UBA1: variants seen among roughly 807,000 people sequenced by gnomAD.
UBA1 encodes the protein ubiquitin-like modifier-activating enzyme 1.
Under a neutral mutation model 84.7 loss-of-function variants are expected in UBA1, and 4 were observed. That is an observed-to-expected ratio of 0.05 (90% CI 0.02 to 0.11). The LOEUF (loss-of-function observed/expected upper bound fraction) is 0.11, where lower values mean the gene tolerates loss of function less well. Ranked by LOEUF, UBA1 falls within the 10% of genes least tolerant of loss-of-function variation. The pLI is 1.00. For synonymous variants in UBA1, 364 were observed against 362.6 expected, an observed-to-expected ratio of 1.00 and a Z score of -0.04; for missense variants, 513 against 902.8, an observed-to-expected ratio of 0.57 and a Z score of 5.53.
chrX:47,207,038 G>C lies in UBA1; in HGVS notation c.1938+594G>C, dbSNP rs151309020. On this transcript the variant is annotated intron_variant, in intron 16 of 25. Transcript: ENST00000335972. ...CTCAAAATGTCTCCAGACATTGCCA[G>C]ATGTCCCCAGGGGTGCCACATCACT... Among the ~76,000 whole-genome samples the C allele has an allele frequency of 9.4e-3, 1,044 of 110,708 alleles. 13 individuals are homozygous for C. The highest frequency in any genetic ancestry group is 0.033 in the African/African-American group (1,001 of 30,395).
chrX:47,199,138 TG>T (rs1556786580), intron 3 of UBA1, 32 bp downstream of exon 3: 2 of 1,211,819 alleles, frequency 1.7e-6, no homozygotes, highest in Non-Finnish European at 2.2e-6. Flanking sequence ...CTGAGGGGTG[TG>T]GAATGGGACA....
chrX:47,202,948 C>T lies in UBA1; in HGVS notation c.1239C>T (p.Cys413=). ...GLAAQEVMKA[C]SGKFMPIMQW... ...CTCTCCCTTCCCCTCTCCAGGCCTGCTCCGGGAAGTTCATGCCCATCATGC... is the reference window on the plus strand; with the variant it reads ...CTCTCCCTTCCCCTCTCCAGGCCTGTTCCGGGAAGTTCATGCCCATCATGC... The change falls in exon 12 of 26, where the codon TGC becomes TGT. Residue 413 remains cysteine (C), a synonymous_variant. Transcript: ENST00000335972. 1 of 1,211,168 alleles carries T rather than the reference C, an allele frequency of 8.3e-7. No individual in the cohort carries two copies. The highest frequency in any genetic ancestry group is 1.1e-6 in the Non-Finnish European group (1 of 895,003).
chrX:47,201,346 A>G lies in UBA1; in HGVS notation c.658A>G (p.Met220Val), dbSNP rs1556787925. ...CAATGGGGAGCAGCCACTCAGTGCT[A>G]TGGTTTCTATGGTTACCAAGGTAAG... ...DSNGEQPLSAMVSMVTKDNPG... is the reference protein window; with the variant it reads ...DSNGEQPLSAVVSMVTKDNPG... The change falls in exon 7 of 26, where the codon ATG becomes GTG. Residue 220 changes from methionine to valine, a missense_variant. Around this residue, in one of 6 missense-constraint regions of UBA1, gnomAD observed 227 missense variants for 339.1 expected, o/e 0.67. Transcript: ENST00000335972. The G allele has an allele frequency of 2.5e-6, 3 of 1,209,456 alleles. No homozygotes were observed. The highest frequency in any genetic ancestry group is 2.2e-5 in the Admixed American group (1 of 45,832).
chrX:47,209,800 G>A, intron 17 of UBA1, 113 bp downstream of exon 17: 1 of 1,069,624 alleles, frequency 9.3e-7, no homozygotes, highest in Non-Finnish European at 1.3e-6. Context: ...ACATGAATGA[G>A]TGGCTGTTGG....
At chrX:47,213,248 G>A (rs1202079029) in intron 23 of UBA1, 67 bp downstream of exon 23, 22 of 1,067,814 alleles carry the variant, frequency 2.1e-5, no homozygotes, top group East Asian at 1.3e-4. Flanking sequence ...TCTGATTCAC[G>A]TCATACCCTG....
At chrX:47,207,570 G>T (rs1556791541) in intron 16 of UBA1, among the ~76,000 whole-genome samples, 1 of 111,496 alleles carries the variant, frequency 9.0e-6, no homozygotes, top group Non-Finnish European at 1.9e-5. Context: ...CCAAGAAACA[G>T]AACCTAGGGA....
intron 16 of UBA1, chrX:47,209,179 C>T: frequency 3.2e-6 from 1 of 313,506 alleles, no homozygotes; most frequent in Non-Finnish European, 5.6e-6. Flanking sequence ...TTTTTTGAGA[C>T]AGTCTTCCTC....
At chrX:47,201,079 C>T in intron 6 of UBA1, 79 bp downstream of exon 6, 5 of 947,061 alleles carry the variant, frequency 5.3e-6, no homozygotes, top group Non-Finnish European at 7.4e-6. Context: ...CTAGGCTCTC[C>T]CTGCCCTCAT....
intron 1 of UBA1, chrX:47,197,293 A>T: frequency 5.3e-6 from 4 of 754,357 alleles, no homozygotes; most frequent in Non-Finnish European, 4.7e-6. Flanking sequence ...TTCTTTTCCC[A>T]TTTGTGATTT....
intron 14 of UBA1, chrX:47,205,628 C>T (rs781805328): frequency 3.0e-4 from 110 of 362,730 alleles, no homozygotes; most frequent in Non-Finnish European, 4.5e-4. Context: ...TTTGTGGGGC[C>T]GAGGTCTTTG....
intron 10 of UBA1, 45 bp from the exon 11 acceptor site, chrX:47,202,593 A>G: frequency 4.1e-6 from 5 of 1,209,497 alleles, no homozygotes; most frequent in Non-Finnish European, 5.6e-6. Context: ...CCCTGCCCTC[A>G]CTGTGGCCTG....
chrX:47,197,842 T>C, intron 1 of UBA1: 1 of 560,127 alleles, frequency 1.8e-6, no homozygotes, highest in Non-Finnish European at 2.2e-6. Flanking sequence ...CCTGAGTGAA[T>C]TTTTTTCCAT....
At chrX:47,197,091 T>A (rs1228010912) in intron 1 of UBA1, 2 of 753,236 alleles carry the variant, frequency 2.7e-6, no homozygotes, top group African/African-American at 4.6e-5. Flanking sequence ...ACCAAGCCTC[T>A]TGCTACCCAG....
chrX:47,209,793 T>C lies in UBA1; in HGVS notation c.2003+106T>C, dbSNP rs1602652220. Reference sequence around the variant, plus strand: ...CTTGGCACCAGGCACACTTTTCACATGAATGAGTGGCTGTTGGGGCCTCAT... The same window carrying C: ...CTTGGCACCAGGCACACTTTTCACACGAATGAGTGGCTGTTGGGGCCTCAT... On this transcript the variant is annotated intron_variant, in intron 17 of 25. Transcript: ENST00000335972. 2.8e-6 allele frequency: 3 copies of C among 1,074,517 alleles called. No homozygotes were observed. The East Asian group carries it at 9.0e-5, about 32-fold the overall frequency. 88.6% of individuals were successfully genotyped at this position (1,074,517 alleles called of 1,213,427 possible).
intron 7 of UBA1, 45 bp downstream of exon 7, chrX:47,201,411 A>C (rs782579614): frequency 1.7e-6 from 2 of 1,209,082 alleles, no homozygotes; most frequent in Non-Finnish European, 2.2e-6. Flanking sequence ...GGTGGGCTGC[A>C]GTAGTCCTTC....
intron 16 of UBA1, chrX:47,206,696 A>G: frequency 2.4e-6 from 1 of 408,505 alleles, no homozygotes; most frequent in Non-Finnish European, 4.3e-6. Context: ...GAATACTCAA[A>G]TACCATTCCT....
intron 18 of UBA1, 105 bp downstream of exon 18, chrX:47,210,228 G>T: frequency 1.1e-6 from 1 of 905,050 alleles, no homozygotes; most frequent in East Asian, 3.3e-5. Context: ...CAGGTGCCCT[G>T]AGGCATGGGG....
At position 47,214,377 on chromosome X, in the gene UBA1, G is replaced by A; in HGVS notation, c.2889G>A (p.Leu963=). The A allele has an allele frequency of 1.7e-6, 2 of 1,211,167 alleles. No individual in the cohort carries two copies. Among genetic ancestry groups the A allele is most frequent in the Non-Finnish European group, 2.2e-6 (2 of 895,324 alleles). The stretch of plus-strand genomic sequence containing the variant: ...GGGATCGCTTTGAGGTACAAGGGCT[G>A]CAGCCTAATGGTGAGGAGATGACCC... The part of the protein sequence containing the change: ...TLWDRFEVQG[L]QPNGEEMTLK... The change falls in exon 24 of 26, where the codon CTG becomes CTA. Residue 963 remains leucine, a synonymous_variant. Coordinates refer to ENST00000335972, the MANE Select transcript of UBA1 (RefSeq NM_003334.4).
rs1936421343 is a variant in UBA1 at position 47,201,626 on chromosome X, G to A, written c.811+16G>A. On this transcript the variant is annotated intron_variant, in intron 8 of 25. Coordinates refer to ENST00000335972, the MANE Select transcript of UBA1 (RefSeq NM_003334.4). ...AAAGTCCTGGGTGAGCTGCGACCAT[G>A]GGGGAAGCAGAGGGGAACTAGAAGA... 1 of 1,207,984 alleles carries A rather than the reference G, an allele frequency of 8.3e-7. No homozygotes were observed. Among genetic ancestry groups the A allele is most frequent in the Non-Finnish European group, 1.1e-6 (1 of 893,707 alleles).
Sources: gnomAD v4.1 joint callset for allele counts (sites outside exome capture counted in the v4.1 genomes callset) on GRCh38, gnomAD v4.1.1 for gene constraint, gnomAD v4.1.1 regional missense constraint, MANE v1.5 for transcripts, NCBI Gene and HGNC (gene_info 2026-07-23, HGNC 2026-07-21) for gene names.